Variants in DVL1 observed in about 807,000 individuals in gnomAD.
DVL1 encodes the protein dishevelled segment polarity protein 1.
Under a neutral mutation model 65.0 loss-of-function variants are expected in DVL1, and 49 were observed. The observed-to-expected ratio is 0.75, with a 90% CI of 0.60 to 0.96. The LOEUF (loss-of-function observed/expected upper bound fraction) is 0.96. Among genes scored for constraint, DVL1 ranks in the 40% least tolerant of loss-of-function variants. The probability of loss-of-function intolerance (pLI) is 0.00; values close to 1 mark genes in which losing one functional copy is unlikely to be tolerated. For missense variants in DVL1, 1,197 were observed against 1,045.4 expected (o/e 1.15, Z -2.00); for synonymous variants, 608 against 433.9 (o/e 1.40, Z -4.99).
At chr1:1,342,805 T>A (rs771777584) in intron 1 of DVL1, 47 bp from the exon 2 acceptor site, 3 of 1,599,954 alleles carry the variant, frequency 1.9e-6, no homozygotes, top group Non-Finnish European at 2.6e-6. Flanking sequence ...GGCCCAACCC[T>A]GCGGTTCTAG....
chr1:1,338,909 C>G (rs1237644073), intron 11 of DVL1, among the ~76,000 whole-genome samples: 1 of 152,236 alleles, frequency 6.6e-6, no homozygotes, highest in Non-Finnish European at 1.5e-5. Flanking sequence ...GCTGACACCC[C>G]ACCCTGCAGA....
chr1:1,337,376 A>C (rs1011187297), intron 14 of DVL1, among the ~76,000 whole-genome samples: 1 of 151,770 alleles, frequency 6.6e-6, no homozygotes, highest in African/African-American at 2.4e-5. Flanking sequence ...CCTCAGGAAC[A>C]CTCTGGATCC....
rs143613619 is a variant in DVL1 at position 1,336,428 on chromosome 1, C to A, written c.1802G>T (p.Gly601Val). ...ERRAAGAGGS[G>V]SESDHTAPSG... ...CGGTGCCGTGTGATCCGATTCACTG[C>A]CACTGCCCCCAGCTCCCGCCGCCCG... The change falls in exon 15 of 15, where the codon GGC becomes GTC. Residue 601 changes from glycine (G) to valine (V), a missense_variant. By Grantham distance (109) the Gly-to-Val change is moderately radical. Transcript: ENST00000378888. 261 of 1,592,554 alleles carry A rather than the reference C, an allele frequency of 1.6e-4. 2 individuals are homozygous for A. Among genetic ancestry groups the A allele is most frequent in the Admixed American group, 5.1e-5 (3 of 58,780 alleles).
chr1:1,340,517 G>C lies in DVL1; in HGVS notation c.606-14C>G. ...GAGCTGCTGAGCCTGGGAACAGACT[G>C]TCAGAGCTCAGAGGAGCTGGAGACA... is the stretch of plus-strand genomic sequence containing the variant. On this transcript the variant is annotated splice_polypyrimidine_tract_variant and intron_variant, in intron 5 of 14. Coordinates refer to ENST00000378888, the MANE Select transcript of DVL1 (RefSeq NM_001330311.2). The C allele has an allele frequency of 6.3e-7, 1 of 1,589,938 alleles. No homozygotes were observed. Among genetic ancestry groups the C allele is most frequent in the South Asian group, 1.1e-5 (1 of 87,968 alleles).
Position 1,340,468 on chromosome 1 carries a change from C to T in DVL1, c.641G>A (p.Arg214Lys), listed in dbSNP as rs779904108. Residue 214 changes from arginine to lysine, a missense_variant, in exon 6 of 15, where the codon AGA (arginine) becomes AAA (lysine). Coordinates refer to ENST00000378888, the MANE Select transcript of DVL1 (RefSeq NM_001330311.2). ...SSSTEQSTSS[R>K]LIRKHKRRRR... Reference sequence around the variant, plus strand: ...CCGGCGTTTGTGCTTCCGGATGAGTCTGGATGAGGTGCTCTGCTCCGTGGA... The same window carrying T: ...CCGGCGTTTGTGCTTCCGGATGAGTTTGGATGAGGTGCTCTGCTCCGTGGA... The T allele has an allele frequency of 8.7e-6, 14 of 1,610,980 alleles. No homozygotes were observed. Among genetic ancestry groups the T allele is most frequent in the Non-Finnish European group, 1.2e-5 (14 of 1,178,898 alleles).
chr1:1,339,974 C>A (rs1569701440), intron 8 of DVL1, 64 bp downstream of exon 8: 3 of 1,573,338 alleles, frequency 1.9e-6, no homozygotes, highest in Admixed American at 1.7e-5. Flanking sequence ...AGCCGCACGT[C>A]ACCCCAAAGT....
intron 8 of DVL1, 43 bp downstream of exon 8, chr1:1,339,995 C>A (rs759271419): frequency 1.3e-6 from 2 of 1,592,114 alleles, no homozygotes; most frequent in Admixed American, 3.4e-5. Flanking sequence ...CCCCACGGAC[C>A]CACCCGCAGC....
intron 1 of DVL1, among the ~76,000 whole-genome samples, chr1:1,348,203 G>C (rs1395452712): frequency 6.6e-6 from 1 of 152,336 alleles, no homozygotes; most frequent in East Asian, 1.9e-4. Flanking sequence ...CAGCACAGCA[G>C]GGGTCTCCTC....
intron 11 of DVL1, 28 bp from the exon 12 acceptor site, chr1:1,338,681 G>A: frequency 3.8e-6 from 6 of 1,599,980 alleles, no homozygotes; most frequent in Non-Finnish European, 5.1e-6. Flanking sequence ...CCCCGCTTCA[G>A]CCCCAGCATC....
In DVL1 at chr1:1,338,022, C is replaced by T. The variant is rs144724672; in HGVS notation, c.1669G>A (p.Gly557Ser). 6.8e-5 allele frequency: 109 copies of T among 1,611,988 alleles called. No homozygotes were observed. In the African/African-American group the frequency reaches 1.3e-3, roughly 19 times the overall value. The change falls in exon 14 of 15, where the codon GGC (glycine) becomes AGC (serine). Residue 557 changes from glycine to serine, a missense_variant. By Grantham distance (56) the Gly-to-Ser change is moderately conservative. Coordinates refer to ENST00000378888, the MANE Select transcript of DVL1 (RefSeq NM_001330311.2). ...GTGCTGCCGCTGCCATAGCTAAAGC[C>T]CGGGTCCTGGTAGGCAGGCGGGAAG... ...PCFPPAYQDP[G>S]FSYGSGSTGS...
chr1:1,342,514 G>T, intron 2 of DVL1, 30 bp from the exon 3 acceptor site: 1 of 1,601,928 alleles, frequency 6.2e-7, no homozygotes. Flanking sequence ...GCTCAGGGGA[G>T]CCCACCCGCC....
At chr1:1,337,845 C>T in intron 14 of DVL1, 132 bp downstream of exon 14, 1 of 767,276 alleles carries the variant, frequency 1.3e-6, no homozygotes. Flanking sequence ...CAGGGCGGAG[C>T]AGCAGCGGGG....
chr1:1,341,884 A>G (rs1286249263), intron 4 of DVL1, 79 bp from the exon 5 acceptor site: 36 of 1,488,492 alleles, frequency 2.4e-5, no homozygotes, highest in Non-Finnish European at 3.0e-5. Context: ...GCAGTGCTGC[A>G]TGCCTGTGGG....
chr1:1,343,544 C>T (rs1643878274), intron 1 of DVL1, among the ~76,000 whole-genome samples: 2 of 152,240 alleles, frequency 1.3e-5, no homozygotes, highest in South Asian at 2.1e-4. Context: ...TCATGCCAGC[C>T]ATGCCCTATG....
chr1:1,337,148 G>A (rs1269829616), intron 14 of DVL1: 13 of 966,588 alleles, frequency 1.3e-5, no homozygotes, highest in Middle Eastern at 5.2e-4. Flanking sequence ...GGGACTGACC[G>A]CGGGCTGGGC....
At chr1:1,342,015 G>T in intron 4 of DVL1, 38 bp downstream of exon 4, 1 of 1,519,018 alleles carries the variant, frequency 6.6e-7, no homozygotes, top group East Asian at 2.4e-5. Context: ...TCCCAGGGAG[G>T]CTGGGGGTCC....
At position 1,342,681 on chromosome 1, in the gene DVL1, G is replaced by A. The variant is rs751174476; in HGVS notation, c.240+8C>T. ...GCGAGCCTTCGGGGCCAAGACACAG[G>A]GGCTCACCCAGGAGACCACGCGGCC... On this transcript the variant is annotated splice_region_variant and intron_variant, in intron 2 of 14. Transcript: ENST00000378888. The A allele has an allele frequency of 1.7e-5, 27 of 1,612,574 alleles. No individual in the cohort carries two copies. Among genetic ancestry groups the A allele is most frequent in the Non-Finnish European group, 2.3e-5 (27 of 1,179,624 alleles).
rs924391795 is a variant in DVL1 at position 1,342,836 on chromosome 1, G to C, written c.171-78C>G. On this transcript the variant is annotated intron_variant, in intron 1 of 14. Coordinates refer to ENST00000378888, the MANE Select transcript of DVL1 (RefSeq NM_001330311.2). ...TCTAGAGGTGAGGCCTGGAGAGCAG[G>C]CGCTCCTCCTGCCCACACAATGTCA... The C allele has an allele frequency of 2.8e-6, 4 of 1,427,814 alleles. No homozygotes were observed. The African/African-American group carries it at 5.7e-5, about 20-fold the overall frequency. 88.4% of individuals were successfully genotyped at this position (1,427,814 alleles called of 1,614,324 possible). A position where few individuals can be genotyped will look rare whatever the true frequency, so the allele number is the denominator to read the frequency against.
intron 5 of DVL1, among the ~76,000 whole-genome samples, chr1:1,341,115 G>A (rs1025577335): frequency 6.9e-5 from 9 of 131,300 alleles, no homozygotes; most frequent in Non-Finnish European, 9.5e-5. Context: ...ACCTGCACAC[G>A]CACGCCTGCA....
Sources: allele counts gnomAD v4.1 joint callset (sites outside exome capture counted in the v4.1 genomes callset), GRCh38; gene constraint gnomAD v4.1.1; transcripts MANE v1.5; gene names NCBI Gene and HGNC (gene_info 2026-07-23, HGNC 2026-07-21).